Variants in SNX29 observed in about 807,000 individuals in gnomAD.
SNX29 encodes the protein sorting nexin-29.
A neutral mutation model predicts 102.1 loss-of-function variants in SNX29; 78 were observed. That is an observed-to-expected ratio of 0.76 (90% CI 0.64 to 0.92). SNX29 has a LOEUF of 0.92. SNX29 is among the 40% of genes least tolerant of loss of function. SNX29 has a pLI of 0.00. For synonymous variants in SNX29, 580 were observed against 414.5 expected (o/e 1.40, Z -4.85); for missense variants, 1,280 against 1,061.7 (o/e 1.21, Z -2.86).
chr16:12,362,014 A>G (rs530882099), intron 16 of SNX29, among the ~76,000 whole-genome samples: 1 of 152,178 alleles, frequency 6.6e-6, no homozygotes, highest in Non-Finnish European at 1.5e-5. Context: ...ATGCCTATAC[A>G]TGTTAATAAC....
intron 13 of SNX29, among the ~76,000 whole-genome samples, chr16:12,154,452 C>T (rs986973539): frequency 6.6e-6 from 1 of 152,144 alleles, no homozygotes; most frequent in Admixed American, 6.5e-5. Context: ...TGTCACAGCA[C>T]TGGCTGTGGT....
chr16:12,031,164 C>T (rs1202546776), intron 4 of SNX29, among the ~76,000 whole-genome samples: 2 of 151,934 alleles, frequency 1.3e-5, no homozygotes, highest in East Asian at 3.9e-4. Context: ...CCTCTGCCTT[C>T]TGGGTTCAGG....
intron 14 of SNX29, among the ~76,000 whole-genome samples, chr16:12,226,931 C>A (rs1286273450): frequency 2.6e-5 from 4 of 152,132 alleles, no homozygotes; most frequent in African/African-American, 9.7e-5. Context: ...CTAGCTGATT[C>A]CATCTTCAGG....
intron 20 of SNX29, among the ~76,000 whole-genome samples, chr16:12,532,537 T>G (rs758223341): frequency 3.3e-5 from 5 of 152,228 alleles, no homozygotes; most frequent in Non-Finnish European, 5.9e-5. Flanking sequence ...TAACTTATGA[T>G]TTGGAGAATT....
In SNX29 at chr16:12,189,485, G is replaced by A. The variant is rs184774885; in HGVS notation, c.1596-10116G>A. The stretch of plus-strand genomic sequence containing the variant: ...GATTAGATTCGGTTTATGCATCTTC[G>A]TAGGAATGTTGCAGAGGCGATGCAT... On this transcript the variant is annotated intron_variant, in intron 13 of 20. Coordinates refer to ENST00000566228, the MANE Select transcript of SNX29 (RefSeq NM_032167.5). Among the ~76,000 whole-genome samples, 465 of 152,228 alleles carry A rather than the reference G, an allele frequency of 3.1e-3. 1 individual carries two copies. Among genetic ancestry groups the A allele is most frequent in the Non-Finnish European group, 4.7e-3 (318 of 68,026 alleles).
In SNX29 at chr16:12,572,298, T is replaced by TCA; in HGVS notation, c.*3672_*3673dup. ...AACTAACAAGTACTGGGGCCAGTGA[T>TCA]CACAATCCAGGTTGGAAACAGGAGT... On this transcript the variant is annotated 3_prime_UTR_variant, in exon 21 of 21. Coordinates refer to ENST00000566228, the MANE Select transcript of SNX29 (RefSeq NM_032167.5). 2 of 928,274 alleles carry TCA rather than the reference T, an allele frequency of 2.2e-6. No individual in the cohort carries two copies. Among genetic ancestry groups the TCA allele is most frequent in the African/African-American group, 8.6e-5 (2 of 23,366 alleles). 57.5% of individuals were successfully genotyped at this position (928,274 alleles called of 1,614,324 possible).
intron 20 of SNX29, chr16:12,546,168 T>C (rs1158682420): frequency 2.0e-5 from 3 of 152,182 alleles, no homozygotes; most frequent in Non-Finnish European, 4.4e-5. Context: ...AACATAGGGA[T>C]GGGCACTGGT....
Position 12,126,618 on chromosome 16 carries a change from G to A in SNX29, c.1403-15G>A, listed in dbSNP as rs1223770234. The A allele has an allele frequency of 1.9e-6, 3 of 1,613,556 alleles. No individual in the cohort carries two copies. In the African/African-American group the frequency reaches 4.0e-5, roughly 22 times the overall value. Reference sequence around the variant, plus strand: ...AGACCTGCCAATTAATCTTGACTTTGTTTTCTTCCCTTAGGTGAACTGCGC... The same window carrying A: ...AGACCTGCCAATTAATCTTGACTTTATTTTCTTCCCTTAGGTGAACTGCGC... On this transcript the variant is annotated splice_polypyrimidine_tract_variant and intron_variant, in intron 11 of 20. Coordinates refer to ENST00000566228, the MANE Select transcript of SNX29 (RefSeq NM_032167.5).
At chr16:12,376,565 A>T (rs934589306) in intron 16 of SNX29, among the ~76,000 whole-genome samples, 1 of 151,774 alleles carries the variant, frequency 6.6e-6, no homozygotes, top group Non-Finnish European at 1.5e-5. Context: ...GAGAAACCCC[A>T]TCTCTACTAA....
chr16:12,444,872 CTCTGACAGAGTCTCAG>C (rs1452047014), intron 18 of SNX29, among the ~76,000 whole-genome samples: 1 of 140,858 alleles, frequency 7.1e-6, no homozygotes, highest in Non-Finnish European at 1.5e-5. Flanking sequence ...CAGAGTCTCA[CTCTGACAGAGTCTCAG>C]TCATCCAGGC....
chr16:12,335,589 T>TC (rs2081422087), intron 15 of SNX29, among the ~76,000 whole-genome samples: 3 of 152,030 alleles, frequency 2.0e-5, no homozygotes, highest in Non-Finnish European at 2.9e-5. Context: ...GGTGGGAGGA[T>TC]CTCTTGAGCC....
At chr16:12,003,573 A>G (rs940520051) in intron 3 of SNX29, among the ~76,000 whole-genome samples, 1 of 152,224 alleles carries the variant, frequency 6.6e-6, no homozygotes, top group African/African-American at 2.4e-5. Context: ...GGTCCTAGCT[A>G]TGTTAGATAG....
chr16:12,100,111 C>T (rs1031565901), intron 11 of SNX29, among the ~76,000 whole-genome samples: 13 of 152,100 alleles, frequency 8.5e-5, no homozygotes, highest in South Asian at 6.2e-4. Context: ...ACTTCAAAGC[C>T]CACCTCTTAA....
chr16:12,193,827 T>C (rs1207612088), intron 13 of SNX29, among the ~76,000 whole-genome samples: 1 of 152,196 alleles, frequency 6.6e-6, no homozygotes, highest in Non-Finnish European at 1.5e-5. Context: ...CCCTGATTCT[T>C]TGGTCTGTCT....
rs183513916 is a variant in SNX29, at chr16:12,568,752, G to T, written c.*123G>T. 2 of 1,394,434 alleles carry T rather than the reference G, an allele frequency of 1.4e-6. No individual in the cohort carries two copies. The highest frequency in any genetic ancestry group is 2.4e-5 in the Admixed American group (1 of 41,394). 86.4% of individuals were successfully genotyped at this position (1,394,434 alleles called of 1,614,324 possible). A position where few individuals can be genotyped will look rare whatever the true frequency, so the allele number is the denominator to read the frequency against. On this transcript the variant is annotated 3_prime_UTR_variant, in exon 21 of 21. Transcript: ENST00000566228. ...CCACCTGGTGATCCTGAGAGCACAC[G>T]ATTCCCAACAGTTACACAACACCCC...
chr16:12,317,626 A>G (rs574707871), intron 15 of SNX29, among the ~76,000 whole-genome samples: 1 of 152,288 alleles, frequency 6.6e-6, no homozygotes, highest in East Asian at 1.9e-4. Flanking sequence ...CCTGTGAGCA[A>G]TTCATTGTGC....
Position 12,570,061 on chromosome 16 carries a change from AGAATCATCTGGAAGGTTTATACT to A in SNX29, c.*1434_*1456del, listed in dbSNP as rs2079153977. The A allele has an allele frequency of 1.6e-6, 1 of 615,372 alleles. No homozygotes were observed. The highest frequency in any genetic ancestry group is 2.1e-6 in the Non-Finnish European group (1 of 468,712). The allele number at this position is 615,372 out of a possible 1,614,324, so 38.1% of individuals were successfully genotyped here. A position where few individuals can be genotyped will look rare whatever the true frequency, so the allele number is the denominator to read the frequency against. Reference sequence around the variant, plus strand: ...CTCCTAGGCTCGAGGACATCTCTGGAGAATCATCTGGAAGGTTTATACTGTGCCTTCCCCTCGTAGCAAAAAGG... The same window carrying A: ...CTCCTAGGCTCGAGGACATCTCTGGAGTGCCTTCCCCTCGTAGCAAAAAGG... On this transcript the variant is annotated 3_prime_UTR_variant, in exon 21 of 21. Transcript: ENST00000566228.
intron 19 of SNX29, among the ~76,000 whole-genome samples, chr16:12,502,504 C>G (rs1567628678): frequency 6.6e-6 from 1 of 152,026 alleles, no homozygotes; most frequent in Non-Finnish European, 1.5e-5. Flanking sequence ...ATGCCACCCC[C>G]CAACTCTGAC....
chr16:12,523,211 G>C (rs562530616), intron 19 of SNX29, among the ~76,000 whole-genome samples: 5 of 152,318 alleles, frequency 3.3e-5, no homozygotes, highest in African/African-American at 1.2e-4. Context: ...GGCCAGCTCT[G>C]TGCCTGCACA....
Sources: allele counts gnomAD v4.1 joint callset (sites outside exome capture counted in the v4.1 genomes callset), GRCh38; gene constraint gnomAD v4.1.1; transcripts MANE v1.5; gene names NCBI Gene and HGNC (gene_info 2026-07-23, HGNC 2026-07-21).